The following LARGE1 variants were observed in gnomAD, a reference collection of about 807,000 sequenced individuals.
LARGE1 encodes xylosyl- and glucuronyltransferase LARGE1.
Under a neutral mutation model 87.6 loss-of-function variants are expected in LARGE1, and 43 were observed. The ratio of observed to expected loss-of-function variants is 0.49; its 90% CI spans 0.38 to 0.63. The LOEUF is 0.63. Ranked by LOEUF, LARGE1 falls within the 30% of genes least tolerant of loss-of-function variation. The pLI, the probability that LARGE1 is intolerant of heterozygous loss-of-function variation, is 0.00. For synonymous variants in LARGE1, 434 were observed against 394.6 expected (o/e 1.10, Z -1.18); for missense variants, 802 against 1,000.2 (o/e 0.80, Z 2.67).
At chr22:33,470,344 A>T (rs2068778611) in intron 6 of LARGE1, among the ~76,000 whole-genome samples, 1 of 152,218 alleles carries the variant, frequency 6.6e-6, no homozygotes, top group African/African-American at 2.4e-5. Flanking sequence ...AAAGGCAGAC[A>T]AGCCCTCTCT....
At chr22:33,891,453 A>C (rs1282144083) in intron 1 of LARGE1, among the ~76,000 whole-genome samples, 1 of 150,842 alleles carries the variant, frequency 6.6e-6, no homozygotes, top group Non-Finnish European at 1.5e-5. Context: ...AAAAAAAAAA[A>C]CTGTATTGAG....
At chr22:33,131,691 C>A in the LARGE1 span, among the ~76,000 whole-genome samples, 1 of 152,160 alleles carries the variant, frequency 6.6e-6, no homozygotes, top group Non-Finnish European at 1.5e-5. Context: ...GAAAGACCCA[C>A]CCCCAAGATT....
chr22:33,287,683 T>C (rs1027552249), intron 12 of LARGE1, among the ~76,000 whole-genome samples: 2 of 152,202 alleles, frequency 1.3e-5, no homozygotes, highest in Admixed American at 1.3e-4. Flanking sequence ...ATTAGTTCTC[T>C]GGAAAGTGAG....
chr22:33,847,962 CA>C (rs978987395), intron 1 of LARGE1, among the ~76,000 whole-genome samples: 1 of 151,858 alleles, frequency 6.6e-6, no homozygotes, highest in Non-Finnish European at 1.5e-5. Context: ...CTGGTGGTTA[CA>C]AAAAAAACTG....
chr22:33,903,253 A>G (rs1190568605), intron 1 of LARGE1, among the ~76,000 whole-genome samples: 2 of 152,254 alleles, frequency 1.3e-5, no homozygotes, highest in African/African-American at 4.8e-5. Flanking sequence ...GGGAGACCAT[A>G]TGAAAACAGC....
chr22:33,893,477 ACATT>A (rs1312679533), intron 1 of LARGE1, among the ~76,000 whole-genome samples: 2 of 152,250 alleles, frequency 1.3e-5, no homozygotes, highest in Admixed American at 6.5e-5. Context: ...TCATCAGCTC[ACATT>A]CAGATAAACG....
intron 3 of LARGE1, among the ~76,000 whole-genome samples, chr22:33,630,958 T>C (rs1206846129): frequency 6.6e-6 from 1 of 152,074 alleles, no homozygotes. Flanking sequence ...GCTCAAGCGA[T>C]TCTCCTGCCT....
intron 11 of LARGE1, 72 bp downstream of exon 11, chr22:33,316,013 C>G (rs1474729079): frequency 1.8e-5 from 27 of 1,532,962 alleles, no homozygotes; most frequent in Non-Finnish European, 2.4e-5. Flanking sequence ...CAGGCACACC[C>G]TTCTCCATTC....
rs1922560168 is a variant in LARGE1 at position 33,171,325 on chromosome 22, CAA to C, written c.1731-4495_1731-4494del. Among the ~76,000 whole-genome samples the C allele has an allele frequency of 2.0e-5, 3 of 152,152 alleles. No individual in the cohort carries two copies. In the South Asian group the frequency reaches 6.2e-4, roughly 32 times the overall value. On this transcript the variant is annotated intron_variant, in intron 11 of 11. Transcript: ENST00000608642. Reference sequence around the variant, plus strand: ...TGCAGCCTGATCATGTGGTGGAAGACAAAAACCCATTTTCTGTGGAGAAATTC... The same window carrying C: ...TGCAGCCTGATCATGTGGTGGAAGACAAACCCATTTTCTGTGGAGAAATTC...
downstream of LARGE1, among the ~76,000 whole-genome samples, chr22:33,272,275 G>C (rs138740489): frequency 7.1e-3 from 1,086 of 152,318 alleles, 5 homozygotes; most frequent in Middle Eastern, 0.01. Flanking sequence ...TAGGGAAGGA[G>C]GAGAAATTAG....
intron 6 of LARGE1, among the ~76,000 whole-genome samples, chr22:33,516,339 CTA>C (rs2071302570): frequency 6.6e-6 from 1 of 152,134 alleles, no homozygotes; most frequent in South Asian, 2.1e-4. Flanking sequence ...GCCCACATCC[CTA>C]TGTCTCACCA....
rs561562959 is a variant in LARGE1, at chr22:33,512,747, G to T, written c.787+52101C>A. On this transcript the variant is annotated intron_variant, in intron 6 of 14. Coordinates refer to ENST00000397394, the MANE Select transcript of LARGE1 (RefSeq NM_133642.5). ...AAACCTGGAAGGCGGAAGTTGCAGT[G>T]AGCAGAGATTACACCACTACACTCC... 3.9e-5 allele frequency among the ~76,000 whole-genome samples: 6 copies of T among 152,294 alleles called. 2 individuals carry two copies. Among genetic ancestry groups the T allele is most frequent in the African/African-American group, 1.4e-4 (6 of 41,566 alleles).
chr22:33,280,352 C>G (rs1467055190), intron 13 of LARGE1, among the ~76,000 whole-genome samples: 2 of 145,356 alleles, frequency 1.4e-5, no homozygotes, highest in African/African-American at 5.1e-5. Flanking sequence ...AGAGAAAATT[C>G]TCTTTATTAT....
intron 5 of LARGE1, among the ~76,000 whole-genome samples, chr22:33,592,602 T>G (rs998019200): frequency 5.9e-5 from 9 of 152,226 alleles, no homozygotes; most frequent in Middle Eastern, 3.2e-3. Flanking sequence ...GCGTATGTTC[T>G]GAAGACAAAT....
chr22:33,204,056 G>GTGGA (rs555962314), intron 11 of LARGE1, among the ~76,000 whole-genome samples: 50 of 152,278 alleles, frequency 3.3e-4, no homozygotes, highest in African/African-American at 1.1e-3. Context: ...GAATGAATGA[G>GTGGA]TGGATGGATG....
chr22:33,825,226 T>C (rs939546640), intron 1 of LARGE1, among the ~76,000 whole-genome samples: 1 of 152,348 alleles, frequency 6.6e-6, no homozygotes, highest in Non-Finnish European at 1.5e-5. Context: ...TGTAAAGGAA[T>C]GTTCCAGAGA....
At chr22:33,446,928 C>T (rs886761744) in intron 6 of LARGE1, among the ~76,000 whole-genome samples, 5 of 152,190 alleles carry the variant, frequency 3.3e-5, no homozygotes, top group African/African-American at 1.2e-4. Flanking sequence ...GAGTCTTGCT[C>T]TGTCACCCAG....
chr22:33,867,203 G>A (rs2064131283), intron 1 of LARGE1, among the ~76,000 whole-genome samples: 1 of 152,188 alleles, frequency 6.6e-6, no homozygotes, highest in Admixed American at 6.5e-5. Flanking sequence ...CTGTTGCCAG[G>A]TGACACTCAT....
intron 12 of LARGE1, among the ~76,000 whole-genome samples, chr22:33,289,060 G>A (rs1035710819): frequency 2.0e-5 from 3 of 152,016 alleles, no homozygotes; most frequent in East Asian, 1.9e-4. Context: ...CCGGGTTCAC[G>A]CCATTCTCCT....
Sources: allele counts gnomAD v4.1 joint callset (sites outside exome capture counted in the v4.1 genomes callset), GRCh38; gene constraint gnomAD v4.1.1; transcripts MANE v1.5; gene names NCBI Gene and HGNC (gene_info 2026-07-23, HGNC 2026-07-21).